Variants in ETV5 observed in about 807,000 individuals in gnomAD.
ETV5 encodes ETS variant transcription factor 5.
A neutral mutation model predicts 70.0 loss-of-function variants in ETV5; 10 were observed. That is an observed-to-expected ratio of 0.14 (90% confidence interval 0.09 to 0.24). The LOEUF is 0.24. Ranked by LOEUF, ETV5 falls within the 10% of genes least tolerant of loss-of-function variation. The pLI, the probability that ETV5 is intolerant of heterozygous loss-of-function variation, is 1.00. For missense variants in ETV5, 453 were observed against 651.2 expected (o/e 0.70, Z 3.31); for synonymous variants, 216 against 242.2 (o/e 0.89, Z 1.01).
At chr3:186,078,381 A>C (rs1713847440) in intron 7 of ETV5, among the ~76,000 whole-genome samples, 1 of 152,312 alleles carries the variant, frequency 6.6e-6, no homozygotes, top group Non-Finnish European at 1.5e-5. Context: ...AAAATCAGCA[A>C]GATGCTGTTT....
rs76335640 is a variant in ETV5 at position 186,081,521 on chromosome 3, A to C, written c.233-346T>G. On this transcript the variant is annotated intron_variant, in intron 5 of 12. Transcript: ENST00000306376. Reference sequence around the variant, plus strand: ...AATGCAAGTGGCTGCAGACATGAAGAATTTTGTTTCCAAAAAGGACAAAAC... The same window carrying C: ...AATGCAAGTGGCTGCAGACATGAAGCATTTTGTTTCCAAAAAGGACAAAAC... Among the ~76,000 whole-genome samples the C allele has an allele frequency of 2.7e-3, 404 of 152,316 alleles. 4 individuals are homozygous for C. The highest frequency in any genetic ancestry group is 8.8e-3 in the African/African-American group (365 of 41,574).
intron 5 of ETV5, among the ~76,000 whole-genome samples, chr3:186,084,563 A>G (rs1404854375): frequency 6.6e-6 from 1 of 152,184 alleles, no homozygotes; most frequent in Non-Finnish European, 1.5e-5. Context: ...CAAAACAGAC[A>G]TGGCTGGCCC....
chr3:186,063,693 G>C (rs1376752043), intron 9 of ETV5, among the ~76,000 whole-genome samples: 1 of 152,130 alleles, frequency 6.6e-6, no homozygotes, highest in Non-Finnish European at 1.5e-5. Flanking sequence ...AAAATCCAAT[G>C]AGAAAACATT....
intron 5 of ETV5, among the ~76,000 whole-genome samples, chr3:186,089,138 G>A (rs1714123732): frequency 6.6e-6 from 1 of 152,156 alleles, no homozygotes; most frequent in Admixed American, 6.5e-5. Context: ...AGGTTAAGTG[G>A]ACAGGTTCTG....
chr3:186,108,627 G>C (rs1038066873), intron 1 of ETV5: 2 of 1,172,872 alleles, frequency 1.7e-6, no homozygotes, highest in African/African-American at 1.6e-5. Flanking sequence ...TGAAAGCCTC[G>C]CAACTCCGCG....
chr3:186,094,901 C>T (rs114909452), intron 5 of ETV5, among the ~76,000 whole-genome samples: 202 of 152,288 alleles, frequency 1.3e-3, no homozygotes, highest in African/African-American at 4.7e-3. Context: ...ACTTCTAATG[C>T]ACCGCCCCCT....
At chr3:186,061,969 C>T (rs868623775) in intron 9 of ETV5, among the ~76,000 whole-genome samples, 7 of 152,158 alleles carry the variant, frequency 4.6e-5, no homozygotes, top group Non-Finnish European at 8.8e-5. Context: ...TCACAAAAAC[C>T]GGCAGCAGAT....
At chr3:186,079,721 G>T in intron 7 of ETV5, 96 bp downstream of exon 7, 1 of 1,350,328 alleles carries the variant, frequency 7.4e-7, no homozygotes, top group Non-Finnish European at 1.0e-6. Flanking sequence ...AACTTTTTAG[G>T]AACCTGGTAA....
intron 5 of ETV5, among the ~76,000 whole-genome samples, chr3:186,090,182 G>A (rs1173899749): frequency 2.6e-5 from 4 of 152,108 alleles, no homozygotes; most frequent in Non-Finnish European, 5.9e-5. Flanking sequence ...ACCATACGTC[G>A]ACAAATGAAG....
intron 7 of ETV5, chr3:186,078,310 CA>C (rs1281919599): frequency 1.9e-5 from 10 of 527,552 alleles, no homozygotes; most frequent in Non-Finnish European, 2.6e-5. Flanking sequence ...CTAAGAGTTT[CA>C]AATACTGAAT....
At chr3:186,098,432 G>A (rs1714365803) in intron 5 of ETV5, among the ~76,000 whole-genome samples, 1 of 152,084 alleles carries the variant, frequency 6.6e-6, no homozygotes, top group South Asian at 2.1e-4. Context: ...GGAGGGCTCT[G>A]GAGACACTAC....
chr3:186,049,948 C>T (rs538686724), intron 12 of ETV5, among the ~76,000 whole-genome samples: 77 of 152,256 alleles, frequency 5.1e-4, no homozygotes, highest in African/African-American at 1.7e-3. Flanking sequence ...CTGTGAACCT[C>T]AATTTTCCCT....
intron 9 of ETV5, among the ~76,000 whole-genome samples, chr3:186,058,770 T>C (rs772426847): frequency 2.6e-4 from 40 of 152,162 alleles, no homozygotes; most frequent in Non-Finnish European, 5.0e-4. Context: ...TCTCAGCGCT[T>C]TGGGAGGCCA....
At position 186,081,047 on chromosome 3, in the gene ETV5, AATAGTTGTAGAGGCACTTTTCTCC is replaced by A; in HGVS notation, c.337_360del (p.Gly113_Tyr120del). 6.2e-7 allele frequency: 1 copy of A among 1,608,560 alleles called. No individual in the cohort carries two copies. The highest frequency in any genetic ancestry group is 1.3e-5 in the African/African-American group (1 of 74,748). ...CTTCGACTCCTCTTGCCCACTCACC[AATAGTTGTAGAGGCACTTTTCTCC>A]ATAGTTAGCACCAAGAGCCTGCTCA... On this transcript the variant is annotated inframe_deletion and splice_region_variant, in exon 6 of 13. Coordinates refer to ENST00000306376, the MANE Select transcript of ETV5 (RefSeq NM_004454.3).
At chr3:186,073,848 C>T (rs933859219) in intron 7 of ETV5, among the ~76,000 whole-genome samples, 2 of 152,080 alleles carry the variant, frequency 1.3e-5, no homozygotes, top group African/African-American at 2.4e-5. Flanking sequence ...CCATAAGTGA[C>T]CTGGCAAACT....
At chr3:186,061,420 G>A (rs1357876163) in intron 9 of ETV5, among the ~76,000 whole-genome samples, 2 of 152,164 alleles carry the variant, frequency 1.3e-5, no homozygotes, top group African/African-American at 2.4e-5. Context: ...TCTCCTGCAG[G>A]ACTTGTTAAA....
At chr3:186,091,001 T>C (rs1714169427) in intron 5 of ETV5, among the ~76,000 whole-genome samples, 1 of 152,160 alleles carries the variant, frequency 6.6e-6, no homozygotes, top group Non-Finnish European at 1.5e-5. Flanking sequence ...GAACCAAGAA[T>C]GGCAGCTGGA....
Position 186,064,413 on chromosome 3 carries a change from T to C in ETV5, c.970+4A>G. ...AGAAGAGGAAAGAAAAGCAGGTTCC[T>C]TACCTTCATGGCTGCTGGAGAAATA... On this transcript the variant is annotated splice_donor_region_variant and intron_variant, in intron 9 of 12. Transcript: ENST00000306376. 6.2e-7 allele frequency: 1 copy of C among 1,613,862 alleles called. No individual in the cohort carries two copies. The highest frequency in any genetic ancestry group is 1.7e-5 in the Admixed American group (1 of 59,992).
chr3:186,086,486 A>G (rs1714060862), intron 5 of ETV5, among the ~76,000 whole-genome samples: 1 of 152,240 alleles, frequency 6.6e-6, no homozygotes, highest in Non-Finnish European at 1.5e-5. Flanking sequence ...AGGTACATAG[A>G]AAATATAAAA....
Sources: gnomAD v4.1 joint callset for allele counts (sites outside exome capture counted in the v4.1 genomes callset) on GRCh38, gnomAD v4.1.1 for gene constraint, MANE v1.5 for transcripts, NCBI Gene and HGNC (gene_info 2026-07-23, HGNC 2026-07-21) for gene names.